RANBP2: variants seen among roughly 807,000 people sequenced by gnomAD.
RANBP2 encodes E3 SUMO-protein ligase RanBP2.
RANBP2 carries 57 observed loss-of-function variants against 303.6 expected under a neutral mutation model. The observed-to-expected ratio is 0.19, with a 90% CI of 0.15 to 0.23. The LOEUF (loss-of-function observed/expected upper bound fraction) is 0.23, where lower values mean the gene tolerates loss of function less well. Among genes scored for constraint, RANBP2 ranks in the 10% least tolerant of loss-of-function variants. The pLI is 1.00. For missense variants in RANBP2, 3,138 were observed against 3,780.8 expected, an observed-to-expected ratio of 0.83 and a Z score of 4.46; for synonymous variants, 1,167 against 1,301.5, an observed-to-expected ratio of 0.90 and a Z score of 2.23.
At chr2:109,433,411 G>C in the RANBP2 span, among the ~76,000 whole-genome samples, 1 of 152,244 alleles carries the variant, frequency 6.6e-6, no homozygotes, top group East Asian at 1.9e-4. Flanking sequence ...AGTCACTGAA[G>C]AGACAAGGGG....
intron 2 of RANBP2, among the ~76,000 whole-genome samples, chr2:108,729,791 C>A (rs1298554982): frequency 6.6e-6 from 1 of 151,026 alleles, no homozygotes; most frequent in South Asian, 2.1e-4. Flanking sequence ...TCCATCTTTG[C>A]TCACTGTAAC....
chr2:108,954,736 C>T, the RANBP2 span, among the ~76,000 whole-genome samples: 382 of 151,508 alleles, frequency 2.5e-3, 3 homozygotes, highest in East Asian at 0.017. Context: ...AGTGCAATGG[C>T]GTGATCTCGG....
the RANBP2 span, among the ~76,000 whole-genome samples, chr2:109,577,805 C>A: frequency 9.5e-5 from 14 of 147,042 alleles, no homozygotes; most frequent in Non-Finnish European, 1.9e-4. Context: ...ACCAGCTACA[C>A]AGGAGGCTGA....
At chr2:109,737,252 A>G in the RANBP2 span, 3 of 785,128 alleles carry the variant, frequency 3.8e-6, no homozygotes, top group South Asian at 3.1e-5. Context: ...TTCTTCTTCA[A>G]ATATTTTTTG....
the RANBP2 span, among the ~76,000 whole-genome samples, chr2:109,053,260 G>A: frequency 5.9e-5 from 9 of 152,218 alleles, no homozygotes; most frequent in Admixed American, 4.6e-4. Flanking sequence ...GTGTGAGAGG[G>A]CGAAACACTC....
At chr2:109,043,319 A>G in the RANBP2 span, among the ~76,000 whole-genome samples, 3 of 152,074 alleles carry the variant, frequency 2.0e-5, no homozygotes, top group Non-Finnish European at 4.4e-5. Flanking sequence ...AGAGCTCTTT[A>G]GTAGGGAAGA....
intron 22 of RANBP2, 21 bp downstream of exon 22, chr2:108,772,602 A>C: frequency 6.3e-7 from 1 of 1,586,828 alleles, no homozygotes; most frequent in East Asian, 2.2e-5. Flanking sequence ...TGTAAAGGAC[A>C]TTTATAATGC....
chr2:109,181,257 C>G, the RANBP2 span, among the ~76,000 whole-genome samples: 41 of 152,192 alleles, frequency 2.7e-4, no homozygotes, highest in African/African-American at 8.9e-4. Flanking sequence ...TCCTGTATAC[C>G]CCTTGCCCAG....
At chr2:108,960,244 C>CTGAGGA in the RANBP2 span, among the ~76,000 whole-genome samples, 2 of 152,226 alleles carry the variant, frequency 1.3e-5, no homozygotes, top group Non-Finnish European at 2.9e-5. Context: ...GAGCCTCAAA[C>CTGAGGA]TGAGGATCCC....
At chr2:109,297,715 A>G in the RANBP2 span, among the ~76,000 whole-genome samples, 1 of 104,226 alleles carries the variant, frequency 9.6e-6, no homozygotes. Flanking sequence ...CATGCCCCCC[A>G]ACTGGGTCCG....
At chr2:109,248,763 TCTC>T in the RANBP2 span, among the ~76,000 whole-genome samples, 1 of 151,710 alleles carries the variant, frequency 6.6e-6, no homozygotes, top group Non-Finnish European at 1.5e-5. Flanking sequence ...CTTCTCTCTC[TCTC>T]TCTTTCTCTT....
the RANBP2 span, among the ~76,000 whole-genome samples, chr2:109,764,251 T>C: frequency 1.3e-5 from 2 of 148,936 alleles, no homozygotes; most frequent in African/African-American, 2.5e-5. Flanking sequence ...TGTAGAGTCT[T>C]GAAGAGTTGG....
chr2:109,178,231 T>C, the RANBP2 span, among the ~76,000 whole-genome samples: 1 of 152,246 alleles, frequency 6.6e-6, no homozygotes, highest in African/African-American at 2.4e-5. Flanking sequence ...CAGAGTCATA[T>C]TCTATAAATT....
intron 6 of RANBP2, among the ~76,000 whole-genome samples, chr2:108,737,727 T>TC (rs1695723614): frequency 6.6e-6 from 1 of 150,378 alleles, no homozygotes; most frequent in African/African-American, 2.5e-5. Flanking sequence ...TTTTTTTTTT[T>TC]TTTTGAGACA....
the RANBP2 span, among the ~76,000 whole-genome samples, chr2:109,016,290 G>C: frequency 1.3e-5 from 2 of 151,446 alleles, no homozygotes; most frequent in African/African-American, 4.9e-5. Flanking sequence ...GGGTTTCACC[G>C]TGTTCACCAG....
chr2:109,614,189 C>G, the RANBP2 span: 2 of 1,139,838 alleles, frequency 1.8e-6, no homozygotes, highest in Admixed American at 4.5e-5. Flanking sequence ...GATTGCGGCC[C>G]TCGCGAGGCC....
the RANBP2 span, chr2:109,585,321 C>T: frequency 1.9e-5 from 30 of 1,595,474 alleles, no homozygotes; most frequent in Non-Finnish European, 2.5e-5. Flanking sequence ...TCCAGTTTCC[C>T]CTGAAACACA....
At chr2:109,676,579 C>T in the RANBP2 span, among the ~76,000 whole-genome samples, 3 of 152,168 alleles carry the variant, frequency 2.0e-5, no homozygotes, top group East Asian at 3.9e-4. Flanking sequence ...CAAAGCACCT[C>T]GGGGCAGCCA....
chr2:109,764,583 A>G, the RANBP2 span, among the ~76,000 whole-genome samples: 1 of 149,708 alleles, frequency 6.7e-6, no homozygotes, highest in African/African-American at 2.5e-5. Flanking sequence ...AAGAACACAC[A>G]TGAAAAAGGA....
Sources: gnomAD v4.1 joint callset for allele counts (sites outside exome capture counted in the v4.1 genomes callset) on GRCh38, gnomAD v4.1.1 for gene constraint, MANE v1.5 for transcripts, NCBI Gene and HGNC (gene_info 2026-07-23, HGNC 2026-07-21) for gene names.